The following JAZF1 variants were observed in gnomAD, a reference collection of about 807,000 sequenced individuals.
JAZF1 encodes the protein JAZF zinc finger 1, also known as juxtaposed with another zinc finger protein 1.
Under a neutral mutation model 26.4 loss-of-function variants are expected in JAZF1, and 8 were observed. The ratio of observed to expected loss-of-function variants is 0.30; its 90% CI spans 0.18 to 0.55. The LOEUF (loss-of-function observed/expected upper bound fraction) is 0.55. Among genes scored for constraint, JAZF1 ranks in the 20% least tolerant of loss-of-function variants. The probability of loss-of-function intolerance (pLI) is 0.94; values close to 1 mark genes in which losing one functional copy is unlikely to be tolerated. For synonymous variants in JAZF1, 126 were observed against 122.3 expected, an observed-to-expected ratio of 1.03 and a Z score of -0.20; for missense variants, 199 against 322.0, an observed-to-expected ratio of 0.62 and a Z score of 2.92.
intron 1 of JAZF1, among the ~76,000 whole-genome samples, chr7:28,179,607 G>A (rs1218538863): frequency 6.6e-6 from 1 of 150,980 alleles, no homozygotes; most frequent in East Asian, 2.0e-4. Flanking sequence ...CCTCCAGGGC[G>A]CGTCGACCCC....
intron 3 of JAZF1, among the ~76,000 whole-genome samples, chr7:27,850,813 A>ATTT (rs111342674): frequency 7.1e-6 from 1 of 140,106 alleles, no homozygotes; most frequent in African/African-American, 2.6e-5. Context: ...CTGAAGGACC[A>ATTT]TTTTTTTTTT....
At chr7:28,104,062 A>C (rs1458634025) in intron 1 of JAZF1, among the ~76,000 whole-genome samples, 1 of 152,104 alleles carries the variant, frequency 6.6e-6, no homozygotes, top group Non-Finnish European at 1.5e-5. Flanking sequence ...CACACCGGGC[A>C]GGCTCCCACC....
At chr7:28,015,033 ATGTGTGTGTGTGTGTGTG>A (rs397804972) in intron 1 of JAZF1, among the ~76,000 whole-genome samples, 5 of 140,690 alleles carry the variant, frequency 3.6e-5, no homozygotes, top group Admixed American at 3.5e-4. Flanking sequence ...GAAAGTGTGT[ATGTGTGTGTGTGTGTGTG>A]TGTGTGTGTG....
chr7:27,991,917 G>T lies in JAZF1; in HGVS notation c.180C>A (p.Tyr60Ter). 1 of 1,580,546 alleles carries T rather than the reference G, an allele frequency of 6.3e-7. No homozygotes were observed. The highest frequency in any genetic ancestry group is 8.7e-7 in the Non-Finnish European group (1 of 1,153,546). ...TTCTGAAAATGGCTTACCTATTTAT[G>T]TAACTCAGGGCAACATAGGTTGGCT... is the stretch of plus-strand genomic sequence containing the variant. ...LQQPTYVALS[Y>*]INRFMTDAAR... Residue 60 changes from tyrosine (Y) to a stop codon, truncating the protein, a stop_gained, in exon 2 of 5, where the codon TAC becomes TAA. Transcript: ENST00000283928. LOFTEE classifies it high-confidence loss of function.
intron 1 of JAZF1, among the ~76,000 whole-genome samples, chr7:28,116,606 C>T (rs565787074): frequency 1.9e-4 from 28 of 148,166 alleles, no homozygotes; most frequent in East Asian, 1.6e-3. Flanking sequence ...CTACGCCCGG[C>T]TAATTTTTTG....
At chr7:28,129,867 A>G (rs1782760582) in intron 1 of JAZF1, among the ~76,000 whole-genome samples, 1 of 152,104 alleles carries the variant, frequency 6.6e-6, no homozygotes, top group African/African-American at 2.4e-5. Context: ...TTTTTTTAAT[A>G]GTGGGATCAG....
chr7:27,960,814 G>A (rs1463572060), intron 2 of JAZF1, among the ~76,000 whole-genome samples: 1 of 152,194 alleles, frequency 6.6e-6, no homozygotes, highest in African/African-American at 2.4e-5. Context: ...AAAAGTGCAG[G>A]AAGGTACGCA....
At chr7:27,887,361 A>G (rs1048051707) in intron 3 of JAZF1, among the ~76,000 whole-genome samples, 1 of 152,182 alleles carries the variant, frequency 6.6e-6, no homozygotes, top group Non-Finnish European at 1.5e-5. Flanking sequence ...GTTGTGCACT[A>G]TAAGGTTAGA....
chr7:28,119,237 T>C (rs1257264836), intron 1 of JAZF1, among the ~76,000 whole-genome samples: 1 of 152,164 alleles, frequency 6.6e-6, no homozygotes, highest in Non-Finnish European at 1.5e-5. Context: ...CGCTCCTGAA[T>C]TTCAACCTTT....
intron 3 of JAZF1, among the ~76,000 whole-genome samples, chr7:27,861,533 A>C (rs1190407991): frequency 7.0e-6 from 1 of 142,986 alleles, no homozygotes; most frequent in African/African-American, 2.6e-5. Context: ...TTAATTTCCA[A>C]AGACTACTTT....
chr7:27,835,502 CAGCTTTA>C (rs1435029768), intron 4 of JAZF1, among the ~76,000 whole-genome samples: 2 of 152,180 alleles, frequency 1.3e-5, no homozygotes, highest in African/African-American at 4.8e-5. Context: ...ACACACACAT[CAGCTTTA>C]TGACTCTGGA....
chr7:28,172,882 A>G (rs1235945800), intron 1 of JAZF1, among the ~76,000 whole-genome samples: 3 of 152,164 alleles, frequency 2.0e-5, no homozygotes, highest in Non-Finnish European at 4.4e-5. Context: ...ACCCAAACAA[A>G]ATGTGGACCC....
chr7:28,048,452 T>C (rs1300102516), intron 1 of JAZF1, among the ~76,000 whole-genome samples: 2 of 152,176 alleles, frequency 1.3e-5, no homozygotes, highest in Admixed American at 1.3e-4. Flanking sequence ...GAATACTTAG[T>C]CCATTTATTT....
chr7:28,079,678 C>T (rs886360467), intron 1 of JAZF1, among the ~76,000 whole-genome samples: 5 of 152,132 alleles, frequency 3.3e-5, no homozygotes, highest in South Asian at 2.1e-4. Flanking sequence ...AAGAACTTGG[C>T]GCCTCTCTAA....
intron 2 of JAZF1, among the ~76,000 whole-genome samples, chr7:27,943,827 C>T (rs1466080423): frequency 1.3e-5 from 2 of 152,176 alleles, no homozygotes; most frequent in African/African-American, 4.8e-5. Flanking sequence ...ACAGAGATAT[C>T]TGGGGGCCCA....
chr7:27,839,009 G>C (rs1003423999), intron 4 of JAZF1, among the ~76,000 whole-genome samples: 3 of 152,154 alleles, frequency 2.0e-5, no homozygotes, highest in Admixed American at 2.0e-4. Flanking sequence ...GAGAACGGAA[G>C]GGGGAAACTG....
At chr7:28,146,548 T>C (rs1465943917) in intron 1 of JAZF1, among the ~76,000 whole-genome samples, 1 of 152,220 alleles carries the variant, frequency 6.6e-6, no homozygotes, top group Non-Finnish European at 1.5e-5. Flanking sequence ...GTCTACTGAA[T>C]ATAATCAAGT....
intron 2 of JAZF1, among the ~76,000 whole-genome samples, chr7:27,909,137 G>A (rs1358296280): frequency 1.4e-5 from 2 of 146,262 alleles, no homozygotes; most frequent in African/African-American, 2.8e-5. Flanking sequence ...AGCCTCTTGA[G>A]TAGCTAGGAC....
Position 28,065,487 on chromosome 7 carries a change from G to A in JAZF1, c.116-73506C>T, listed in dbSNP as rs549443279. ...ATGGAAGAAACACACTTTGTTTATT[G>A]CACAATGTTTCACAGACCTTCTCCT... On this transcript the variant is annotated intron_variant, in intron 1 of 4. Transcript: ENST00000283928. 4.5e-4 allele frequency among the ~76,000 whole-genome samples: 69 copies of A among 152,276 alleles called. 1 individual carries two copies. The Middle Eastern group carries it at 0.01, about 23-fold the overall frequency.
Sources: gnomAD v4.1 joint callset for allele counts (sites outside exome capture counted in the v4.1 genomes callset) on GRCh38, gnomAD v4.1.1 for gene constraint, MANE v1.5 for transcripts, NCBI Gene and HGNC (gene_info 2026-07-23, HGNC 2026-07-21) for gene names.